The following MALRD1 variants were observed in gnomAD, a reference collection of about 807,000 sequenced individuals.
The protein encoded by MALRD1 is MAM and LDL-receptor class A domain-containing protein 1.
A neutral mutation model predicts 242.1 loss-of-function variants in MALRD1; 247 were observed. That is an observed-to-expected ratio of 1.02 (90% CI 0.92 to 1.13). The LOEUF (loss-of-function observed/expected upper bound fraction) is 1.13, where lower values mean the gene tolerates loss of function less well. Ranked by LOEUF, MALRD1 falls within the 50% of genes most tolerant of loss-of-function variation. MALRD1 has a pLI of 0.00. For missense variants in MALRD1, 2,989 were observed against 2,533.1 expected, an observed-to-expected ratio of 1.18 and a Z score of -3.86; for synonymous variants, 995 against 866.6, an observed-to-expected ratio of 1.15 and a Z score of -2.60.
intron 36 of MALRD1, among the ~76,000 whole-genome samples, chr10:19,632,146 A>C (rs1167107186): frequency 6.6e-6 from 1 of 152,170 alleles, no homozygotes; most frequent in Non-Finnish European, 1.5e-5. Context: ...AGAAAGCCTA[A>C]ATCTAAAGAG....
intron 5 of MALRD1, among the ~76,000 whole-genome samples, chr10:19,116,189 T>G (rs1836864747): frequency 1.3e-5 from 2 of 152,320 alleles, no homozygotes; most frequent in South Asian, 4.1e-4. Context: ...AATCACTGAT[T>G]CTTGAATAAC....
In MALRD1 at chr10:19,374,799, A is replaced by G. The variant is rs528705207; in HGVS notation, c.4442-12729A>G. 2.0e-5 allele frequency among the ~76,000 whole-genome samples: 3 copies of G among 152,306 alleles called. No individual in the cohort carries two copies. In the South Asian group the frequency reaches 6.2e-4, roughly 32 times the overall value. On this transcript the variant is annotated intron_variant, in intron 26 of 39. Transcript: ENST00000454679. ...ATGCCAGCTGTCCTTTAAGAAAAGT[A>G]TCTGGAGACCATCACAGGACCTGGG...
At chr10:19,709,243 T>TAAAAAAAAA (rs557818453) in intron 38 of MALRD1, among the ~76,000 whole-genome samples, 22 of 105,926 alleles carry the variant, frequency 2.1e-4, no homozygotes, top group South Asian at 3.1e-4. Flanking sequence ...CCGTCTGTAC[T>TAAAAAAAAA]AAAAAAAAAA....
intron 28 of MALRD1, among the ~76,000 whole-genome samples, chr10:19,448,409 C>T (rs1025642312): frequency 1.3e-5 from 2 of 151,898 alleles, no homozygotes; most frequent in Non-Finnish European, 2.9e-5. Flanking sequence ...TGGGAACTAA[C>T]CATAAACATA....
At chr10:19,094,783 C>G (rs1195536125) in intron 4 of MALRD1, among the ~76,000 whole-genome samples, 1 of 152,186 alleles carries the variant, frequency 6.6e-6, no homozygotes, top group Non-Finnish European at 1.5e-5. Flanking sequence ...TTAACACAGT[C>G]TTTATTTTCT....
intron 38 of MALRD1, among the ~76,000 whole-genome samples, chr10:19,698,013 G>T (rs1010545751): frequency 6.6e-6 from 1 of 152,118 alleles, no homozygotes; most frequent in African/African-American, 2.4e-5. Flanking sequence ...ACATCTAGAT[G>T]TAAATGCCTT....
chr10:19,253,239 G>T (rs893611663), intron 18 of MALRD1, among the ~76,000 whole-genome samples: 1 of 151,904 alleles, frequency 6.6e-6, no homozygotes, highest in Non-Finnish European at 1.5e-5. Context: ...ACAGAAAATT[G>T]TTCATAGCTG....
At chr10:19,333,965 A>G (rs1276835755) in intron 24 of MALRD1, among the ~76,000 whole-genome samples, 2 of 151,686 alleles carry the variant, frequency 1.3e-5, no homozygotes, top group African/African-American at 2.4e-5. Flanking sequence ...GTGTCTGTTC[A>G]TGTCCTTTGC....
At chr10:19,524,644 G>A (rs2131327205) in intron 31 of MALRD1, among the ~76,000 whole-genome samples, 1 of 152,138 alleles carries the variant, frequency 6.6e-6, no homozygotes, top group South Asian at 2.1e-4. Context: ...CTGAAGAATG[G>A]AGCTTTTGCT....
intron 12 of MALRD1, among the ~76,000 whole-genome samples, chr10:19,164,064 C>T (rs987447156): frequency 6.6e-6 from 1 of 152,146 alleles, no homozygotes; most frequent in Non-Finnish European, 1.5e-5. Flanking sequence ...AGTTGAGAAA[C>T]ATGAATCCTC....
intron 21 of MALRD1, among the ~76,000 whole-genome samples, chr10:19,316,030 T>C (rs571848531): frequency 8.5e-4 from 129 of 150,948 alleles, no homozygotes; most frequent in African/African-American, 3.1e-3. Flanking sequence ...CACTTTTATT[T>C]CTCTGTGCCT....
intron 18 of MALRD1, among the ~76,000 whole-genome samples, chr10:19,238,157 A>C (rs1347479795): frequency 1.7e-4 from 8 of 46,886 alleles, no homozygotes; most frequent in African/African-American, 6.5e-4. Context: ...ATACATAATA[A>C]TACATAATAT....
intron 35 of MALRD1, among the ~76,000 whole-genome samples, chr10:19,614,960 G>A (rs1368395847): frequency 2.0e-5 from 3 of 152,060 alleles, no homozygotes; most frequent in African/African-American, 7.2e-5. Flanking sequence ...AATATGTCAT[G>A]CAGACACATT....
chr10:19,453,967 T>C (rs1405688220), intron 29 of MALRD1, among the ~76,000 whole-genome samples: 3 of 151,994 alleles, frequency 2.0e-5, no homozygotes, highest in Non-Finnish European at 4.4e-5. Context: ...GGCAGGAGAA[T>C]TGCAAGAGGC....
intron 21 of MALRD1, among the ~76,000 whole-genome samples, chr10:19,322,884 A>G (rs1408614688): frequency 2.6e-5 from 4 of 152,358 alleles, no homozygotes; most frequent in African/African-American, 7.2e-5. Context: ...CAAGAAATCA[A>G]GTTAATCCAA....
intron 11 of MALRD1, among the ~76,000 whole-genome samples, chr10:19,152,427 A>T (rs1395501739): frequency 9.9e-5 from 15 of 152,192 alleles, no homozygotes; most frequent in Non-Finnish European, 1.5e-5. Flanking sequence ...AATGGTCAGT[A>T]ACTTCATATT....
intron 33 of MALRD1, among the ~76,000 whole-genome samples, chr10:19,585,265 A>C (rs189921401): frequency 4.4e-4 from 67 of 151,038 alleles, no homozygotes; most frequent in African/African-American, 1.5e-3. Flanking sequence ...TGATCCTGTC[A>C]TTATGATGTT....
chr10:19,636,188 G>A (rs910069981), intron 36 of MALRD1, among the ~76,000 whole-genome samples: 1 of 152,080 alleles, frequency 6.6e-6, no homozygotes, highest in Non-Finnish European at 1.5e-5. Context: ...GAAGACAACA[G>A]AAAGAAAATA....
intron 4 of MALRD1, among the ~76,000 whole-genome samples, chr10:19,095,420 A>G (rs1277413720): frequency 6.6e-6 from 1 of 152,218 alleles, no homozygotes; most frequent in Non-Finnish European, 1.5e-5. Context: ...AACACTAACC[A>G]GAGACTGAGA....
Sources: allele counts gnomAD v4.1 joint callset (sites outside exome capture counted in the v4.1 genomes callset), GRCh38; gene constraint gnomAD v4.1.1; transcripts MANE v1.5; gene names NCBI Gene and HGNC (gene_info 2026-07-23, HGNC 2026-07-21).